Variants in DNPEP observed in about 807,000 individuals in gnomAD.
The protein encoded by DNPEP is aspartyl aminopeptidase.
DNPEP carries 46 observed loss-of-function variants against 59.1 expected under a neutral mutation model. That is an observed-to-expected ratio of 0.78 (90% CI 0.61 to 0.99). The LOEUF is 0.99. DNPEP is among the 50% of genes least tolerant of loss of function. The pLI, the probability that DNPEP is intolerant of heterozygous loss-of-function variation, is 0.00. For missense variants in DNPEP, 617 were observed against 649.9 expected (o/e 0.95, Z 0.55); for synonymous variants, 229 against 242.2 (o/e 0.95, Z 0.50).
Position 219,386,094 on chromosome 2 carries a change from G to C in DNPEP, c.464C>G (p.Pro155Arg), listed in dbSNP as rs766140069. The C allele has an allele frequency of 1.1e-5, 17 of 1,613,944 alleles. No homozygotes were observed. The highest frequency in any genetic ancestry group is 1.4e-5 in the Non-Finnish European group (16 of 1,180,014). ...CTGCTGCTCCAGCCGACCTGAGGTA[G>C]GGCACTGCAGCCAGCCAGGCCAGGT... ...TLAGRVIVKC[P>R]TSGRLEQQLV... Residue 155 changes from proline to arginine, a missense_variant, in exon 6 of 15, where the codon CCT becomes CGT. Coordinates refer to ENST00000273075, the MANE Select transcript of DNPEP (RefSeq NM_012100.4).
chr2:219,385,242 A>G, intron 8 of DNPEP, 182 bp downstream of exon 8: 1 of 570,484 alleles, frequency 1.8e-6, no homozygotes. Context: ...GGTCTGGGGT[A>G]GGGAACTTGT....
chr2:219,385,912 T>G (rs1394905370), intron 6 of DNPEP, 56 bp downstream of exon 6: 1 of 1,597,304 alleles, frequency 6.3e-7, no homozygotes, highest in Non-Finnish European at 8.6e-7. Flanking sequence ...TAGGTAATAA[T>G]CACCTGGTAC....
At chr2:219,387,390 T>G in intron 1 of DNPEP, 1 of 1,435,118 alleles carries the variant, frequency 7.0e-7, no homozygotes, top group Non-Finnish European at 9.2e-7. Flanking sequence ...TAATCCGAAC[T>G]TTAGCCCGAC....
At chr2:219,375,408 A>G (rs904103759) in intron 13 of DNPEP, among the ~76,000 whole-genome samples, 1 of 152,208 alleles carries the variant, frequency 6.6e-6, no homozygotes, top group African/African-American at 2.4e-5. Flanking sequence ...AAATAAGAAA[A>G]TGAAAATATG....
intron 11 of DNPEP, 56 bp from the exon 12 acceptor site, chr2:219,381,640 T>C: frequency 6.4e-7 from 1 of 1,558,684 alleles, no homozygotes; most frequent in Non-Finnish European, 8.8e-7. Flanking sequence ...CTGTCGACAC[T>C]CACCACCCTC....
chr2:219,380,514 G>T (rs146813587), intron 13 of DNPEP, among the ~76,000 whole-genome samples: 5 of 152,012 alleles, frequency 3.3e-5, no homozygotes, highest in African/African-American at 1.2e-4. Flanking sequence ...GAGCCAACAC[G>T]CCTGGCCTTC....
chr2:219,372,661 C>G lies in DNPEP; in HGVS notation c.*1631G>C, dbSNP rs1468459251. Among the ~76,000 whole-genome samples the G allele has an allele frequency of 5.3e-5, 8 of 152,182 alleles. No individual in the cohort carries two copies. Among genetic ancestry groups the G allele is most frequent in the Admixed American group, 5.2e-4 (8 of 15,272 alleles). On this transcript the variant is annotated 3_prime_UTR_variant, in exon 15 of 15. Coordinates refer to ENST00000273075, the MANE Select transcript of DNPEP (RefSeq NM_012100.4). ...GGATTACAGGCATAAGCCACCGTGC[C>G]TGGCCATATAATGTTTTGAAGGTAC... is the stretch of plus-strand genomic sequence containing the variant.
In DNPEP at chr2:219,382,111, T is replaced by C. The variant is rs570417572; in HGVS notation, c.965A>G (p.Gln322Arg). The C allele has an allele frequency of 6.2e-7, 1 of 1,612,530 alleles. No homozygotes were observed. Among genetic ancestry groups the C allele is most frequent in the Non-Finnish European group, 8.5e-7 (1 of 1,180,032 alleles). Residue 322 changes from glutamine (Q) to arginine (R), a missense_variant, in exon 11 of 15, where the codon CAG becomes CGG. Physicochemically the swap from Gln to Arg is conservative, Grantham distance 43. Coordinates refer to ENST00000273075, the MANE Select transcript of DNPEP (RefSeq NM_012100.4). ...EVGSESAQGA[Q>R]SLLTELVLRR... is the part of the protein sequence containing the mutation. ...CAGCACCAGCTCTGTCAGCAGTGAC[T>C]GTGCTCCCTGTGCACTCTCAGACCC...
In DNPEP at chr2:219,387,077, A is replaced by G; in HGVS notation, c.123T>C (p.Pro41=). Residue 41 remains proline, a synonymous_variant, in exon 2 of 15, where the codon CCT becomes CCC. Coordinates refer to ENST00000273075, the MANE Select transcript of DNPEP (RefSeq NM_012100.4). ...LLKFVNRSPS[P]FHAVAECRNR... The stretch of plus-strand genomic sequence containing the variant: ...GCCCTGGCCACCGCTTACCATGGAA[A>G]GGAGAGGGACTCCGGTTCACGAACT... 6.2e-7 allele frequency: 1 copy of G among 1,603,770 alleles called. No individual in the cohort carries two copies. Among genetic ancestry groups the G allele is most frequent in the Non-Finnish European group, 8.5e-7 (1 of 1,174,514 alleles).
At chr2:219,385,388 G>A in intron 8 of DNPEP, 36 bp downstream of exon 8, 1 of 1,479,510 alleles carries the variant, frequency 6.8e-7, no homozygotes, top group Non-Finnish European at 9.4e-7. Context: ...GATCCTGGAG[G>A]CCCTTCACCC....
At chr2:219,387,255 AG>A in intron 1 of DNPEP, 92 bp from the exon 2 acceptor site, 1 of 1,515,938 alleles carries the variant, frequency 6.6e-7, no homozygotes, top group Non-Finnish European at 8.9e-7. Flanking sequence ...CACCCCCAGA[AG>A]TGACCACTCT....
At chr2:219,394,905 A>G (rs1258406153) in intron 1 of DNPEP, among the ~76,000 whole-genome samples, 5 of 151,980 alleles carry the variant, frequency 3.3e-5, no homozygotes, top group African/African-American at 1.2e-4. Context: ...CCAATAAGGA[A>G]GGCCCCAGGT....
chr2:219,383,014 G>T, intron 10 of DNPEP, 117 bp downstream of exon 10: 1 of 756,730 alleles, frequency 1.3e-6, no homozygotes, highest in Non-Finnish European at 2.2e-6. Flanking sequence ...GGCACAGGCA[G>T]CATCTCCCCT....
chr2:219,383,610 G>A (rs1953692394), intron 9 of DNPEP, among the ~76,000 whole-genome samples: 1 of 152,118 alleles, frequency 6.6e-6, no homozygotes, highest in South Asian at 2.1e-4. Flanking sequence ...AGATGTGGAG[G>A]ACAGAGAGGA....
upstream of DNPEP, among the ~76,000 whole-genome samples, chr2:219,391,502 A>G (rs1256415928): frequency 6.6e-6 from 1 of 152,188 alleles, no homozygotes; most frequent in African/African-American, 2.4e-5. Flanking sequence ...AATGTTTGGA[A>G]AGGTGATGGA....
intron 7 of DNPEP, 27 bp from the exon 8 acceptor site, chr2:219,385,558 A>C (rs1446424374): frequency 6.2e-7 from 1 of 1,607,526 alleles, no homozygotes; most frequent in Admixed American, 1.7e-5. Context: ...TGCTGGGAAG[A>C]GTCCATTCCT....
In DNPEP at chr2:219,383,163, C is replaced by T. The variant is rs777245975; in HGVS notation, c.904G>A (p.Val302Met). 7.4e-6 allele frequency: 12 copies of T among 1,614,082 alleles called. 1 individual carries two copies. The highest frequency in any genetic ancestry group is 4.4e-5 in the South Asian group (4 of 91,090). The change falls in exon 10 of 15, where the codon GTG becomes ATG. Residue 302 changes from valine (V) to methionine (M), a missense_variant. By Grantham distance (21) the Val-to-Met change is conservative. Transcript: ENST00000273075. The stretch of plus-strand genomic sequence containing the variant: ...TTGTCATAGAGTGTGACCATGCGCA[C>T]GTGAGGCTCTGTGGCCAGGGAGCCA... Reference protein sequence around the residue: ...GPGSLATEPHVRMVTLYDNEE... With the variant: ...GPGSLATEPHMRMVTLYDNEE...
chr2:219,397,507 A>G (rs1158629199), intron 1 of DNPEP, among the ~76,000 whole-genome samples: 1 of 152,262 alleles, frequency 6.6e-6, no homozygotes, highest in East Asian at 1.9e-4. Context: ...CCTCCATATG[A>G]TCAAGAATGT....
chr2:219,382,955 C>T (rs1039061567), intron 10 of DNPEP, among the ~76,000 whole-genome samples, 176 bp downstream of exon 10: 1 of 152,140 alleles, frequency 6.6e-6, no homozygotes, highest in East Asian at 1.9e-4. Context: ...CGGTCACCCT[C>T]GAATAAGCAG....
Sources: gnomAD v4.1 joint callset for allele counts (sites outside exome capture counted in the v4.1 genomes callset) on GRCh38, gnomAD v4.1.1 for gene constraint, MANE v1.5 for transcripts, NCBI Gene and HGNC (gene_info 2026-07-23, HGNC 2026-07-21) for gene names.